HEATR4: variants seen among roughly 807,000 people sequenced by gnomAD.
HEATR4 encodes the protein HEAT repeat-containing protein 4.
A neutral mutation model predicts 108.8 loss-of-function variants in HEATR4; 95 were observed. The ratio of observed to expected loss-of-function variants is 0.87; its 90% CI spans 0.74 to 1.04. The LOEUF (loss-of-function observed/expected upper bound fraction) is 1.04, where lower values mean the gene tolerates loss of function less well. HEATR4 is among the 50% of genes least tolerant of loss of function. The pLI is 0.00. For synonymous variants in HEATR4, 443 were observed against 459.4 expected (o/e 0.96, Z 0.46); for missense variants, 1,152 against 1,253.8 (o/e 0.92, Z 1.23).
At chr14:73,539,341 C>T (rs1356006989) in intron 1 of HEATR4, 1 of 122,102 alleles carries the variant, frequency 8.2e-6, no homozygotes, top group African/African-American at 2.8e-5. Context: ...TCCTCTTGGC[C>T]TCGAATGGTA....
intron 17 of HEATR4, chr14:73,491,764 G>A (rs1885767324): frequency 6.4e-7 from 1 of 1,566,188 alleles, no homozygotes; most frequent in African/African-American, 1.4e-5. Context: ...ACCTGGATTC[G>A]ATGCTGCGCA....
At chr14:73,542,549 C>T (rs560563974) in intron 1 of HEATR4, among the ~76,000 whole-genome samples, 6 of 105,734 alleles carry the variant, frequency 5.7e-5, no homozygotes, top group Non-Finnish European at 1.2e-4. Context: ...GGACTACAGG[C>T]GCATGCCACT....
At chr14:73,602,938 T>C in the HEATR4 span, among the ~76,000 whole-genome samples, 2 of 152,210 alleles carry the variant, frequency 1.3e-5, no homozygotes, top group South Asian at 2.1e-4. Flanking sequence ...CTGTTAAATA[T>C]GTTAAAGGTT....
At chr14:73,514,356 G>T in intron 5 of HEATR4, 122 bp from the exon 6 acceptor site, 1 of 799,956 alleles carries the variant, frequency 1.3e-6, no homozygotes, top group Non-Finnish European at 2.0e-6. Flanking sequence ...AAACCCTCAA[G>T]AGTGAATTTC....
rs2140276109 is a variant in HEATR4, at chr14:73,509,297, C to A, written c.1720+15G>T. On this transcript the variant is annotated intron_variant, in intron 8 of 17. Transcript: ENST00000553558. ...TCCCATATTTCCAGGTCAGAAGTAA[C>A]AGGGAGTTACTCACCCTTCAGAAGG... 6.2e-7 allele frequency: 1 copy of A among 1,611,844 alleles called. No homozygotes were observed. Among genetic ancestry groups the A allele is most frequent in the East Asian group, 2.2e-5 (1 of 44,858 alleles).
At chr14:73,624,794 C>A in the HEATR4 span, among the ~76,000 whole-genome samples, 2 of 152,020 alleles carry the variant, frequency 1.3e-5, no homozygotes, top group South Asian at 4.2e-4. Flanking sequence ...ATGAAATGGG[C>A]GTAATAATAG....
intron 10 of HEATR4, among the ~76,000 whole-genome samples, chr14:73,503,858 A>G (rs1477754638): frequency 1.3e-5 from 2 of 152,178 alleles, no homozygotes; most frequent in Non-Finnish European, 2.9e-5. Context: ...AAAGACTCAT[A>G]GACATACTGC....
Position 73,523,086 on chromosome 14 carries a change from G to T in HEATR4, c.67C>A (p.Leu23Met), listed in dbSNP as rs774536373. 1 of 1,612,382 alleles carries T rather than the reference G, an allele frequency of 6.2e-7. No homozygotes were observed. Among genetic ancestry groups the T allele is most frequent in the Non-Finnish European group, 8.5e-7 (1 of 1,179,962 alleles). ...TAGTTTAAAATCATGCCCCATCCCA[G>T]TCGTGGGGGCAGTGACTGATAGAAG... ...HCFYQSLPPR[L>M]GWGMILNYSK... Residue 23 changes from leucine to methionine, a missense_variant, in exon 3 of 18, where the codon CTG becomes ATG. Leu to Met is a conservative substitution (Grantham distance 15, BLOSUM62 2). Coordinates refer to ENST00000553558, the MANE Select transcript of HEATR4 (RefSeq NM_001220484.1).
At chr14:73,491,415 T>C (rs1885727446) in intron 17 of HEATR4, 4 of 1,347,338 alleles carry the variant, frequency 3.0e-6, no homozygotes, top group African/African-American at 1.5e-5. Flanking sequence ...GCGCGCCTGG[T>C]GGAGGTGCCC....
chr14:73,522,364 C>T lies in HEATR4; in HGVS notation c.789G>A (p.Glu263=), dbSNP rs774711620. Residue 263 remains glutamate (E), a synonymous_variant, in exon 3 of 18, where the codon GAG becomes GAA. Coordinates refer to ENST00000553558, the MANE Select transcript of HEATR4 (RefSeq NM_001220484.1). ...ASDLELLKQL[E]AEETAEFEDQ... The stretch of plus-strand genomic sequence containing the variant: ...CCTCAAACTCTGCTGTCTCTTCTGC[C>T]TCCAGCTGTTTCAGGAGCTCCAGGT... 1.2e-6 allele frequency: 2 copies of T among 1,614,246 alleles called. No homozygotes were observed. Among genetic ancestry groups the T allele is most frequent in the Non-Finnish European group, 1.7e-6 (2 of 1,180,040 alleles).
the HEATR4 span, among the ~76,000 whole-genome samples, chr14:73,585,683 G>C: frequency 1.4e-5 from 2 of 144,178 alleles, no homozygotes; most frequent in South Asian, 4.2e-4. Flanking sequence ...AGCAGGACTA[G>C]AACCCCAAAA....
At chr14:73,602,441 C>T in the HEATR4 span, among the ~76,000 whole-genome samples, 7 of 152,152 alleles carry the variant, frequency 4.6e-5, no homozygotes, top group South Asian at 2.1e-4. Flanking sequence ...CTAGAGAATG[C>T]AGTCTTACAA....
chr14:73,589,355 T>C, the HEATR4 span, among the ~76,000 whole-genome samples: 1 of 152,108 alleles, frequency 6.6e-6, no homozygotes, highest in Non-Finnish European at 1.5e-5. Flanking sequence ...AGTTTCGCTC[T>C]GTCACCGATG....
At chr14:73,520,672 T>A (rs1257059441) in intron 4 of HEATR4, 180 bp downstream of exon 4, 2 of 582,020 alleles carry the variant, frequency 3.4e-6, no homozygotes, top group Non-Finnish European at 6.1e-6. Context: ...TCCCTCCCTA[T>A]TAGTTATCAC....
the HEATR4 span, among the ~76,000 whole-genome samples, chr14:73,585,997 A>C: frequency 2.2e-5 from 3 of 136,044 alleles, no homozygotes; most frequent in African/African-American, 8.3e-5. Context: ...CGACAGAGTG[A>C]GACTCTGTCG....
chr14:73,498,158 A>G lies in HEATR4; in HGVS notation c.2543T>C (p.Leu848Pro). 1 of 1,609,900 alleles carries G rather than the reference A, an allele frequency of 6.2e-7. No homozygotes were observed. The highest frequency in any genetic ancestry group is 8.5e-7 in the Non-Finnish European group (1 of 1,176,950). ...GAGCCAGAGGTTTAGTGCTTACTTT[A>G]GAACAGCATCGTGGTTCTCCAGGAG... ...VLLLENHDAV[L>P]KEMYQTMKIL... The change falls in exon 14 of 18, where the codon CTA becomes CCA. Residue 848 changes from leucine (L) to proline (P), a missense_variant. Coordinates refer to ENST00000553558, the MANE Select transcript of HEATR4 (RefSeq NM_001220484.1).
chr14:73,504,148 G>T (rs968336891), intron 10 of HEATR4, among the ~76,000 whole-genome samples: 14 of 150,538 alleles, frequency 9.3e-5, no homozygotes, highest in Non-Finnish European at 1.8e-4. Context: ...CACGATCTCG[G>T]CTCACTGCAA....
intron 7 of HEATR4, 58 bp from the exon 8 acceptor site, chr14:73,509,531 G>C: frequency 6.3e-7 from 1 of 1,580,960 alleles, no homozygotes; most frequent in Non-Finnish European, 8.7e-7. Context: ...CTCACACACA[G>C]CTTCCTTCCT....
chr14:73,491,775 A>G, intron 17 of HEATR4: 1 of 1,573,382 alleles, frequency 6.4e-7, no homozygotes, highest in Non-Finnish European at 8.6e-7. Context: ...ATGCTGCGCA[A>G]CGAGGAGGTG....
Sources: allele counts gnomAD v4.1 joint callset (sites outside exome capture counted in the v4.1 genomes callset), GRCh38; gene constraint gnomAD v4.1.1; transcripts MANE v1.5; gene names NCBI Gene and HGNC (gene_info 2026-07-23, HGNC 2026-07-21).